Variants in PIK3R2 observed in about 807,000 individuals in gnomAD.
PIK3R2 encodes the protein phosphatidylinositol 3-kinase regulatory subunit beta.
A neutral mutation model predicts 78.5 loss-of-function variants in PIK3R2; 40 were observed. The observed-to-expected ratio is 0.51, with a 90% CI of 0.40 to 0.66. PIK3R2 has a LOEUF of 0.66. Among genes scored for constraint, PIK3R2 ranks in the 30% least tolerant of loss-of-function variants. PIK3R2 has a pLI of 0.00. For missense variants in PIK3R2, 880 were observed against 1,026.6 expected (o/e 0.86, Z 1.95); for synonymous variants, 473 against 457.7 (o/e 1.03, Z -0.43).
rs1186294241 is a variant in PIK3R2 at position 18,168,023 on chromosome 19, G to T, written c.1737-452G>T. Reference sequence around the variant, plus strand: ...CTCCACCTCCCTCTTGGGCCTCAGGGAGGGCACTGTCGCGTGCCAGGTGCT... The same window carrying T: ...CTCCACCTCCCTCTTGGGCCTCAGGTAGGGCACTGTCGCGTGCCAGGTGCT... On this transcript the variant is annotated intron_variant, in intron 13 of 15. Transcript: ENST00000222254. This position sits in a 1 kb window ranked among gnomAD's most constrained non-coding sequence, Gnocchi z 4.1. 6.6e-6 allele frequency among the ~76,000 whole-genome samples: 1 copy of T among 152,192 alleles called. No homozygotes were observed. Among genetic ancestry groups the T allele is most frequent in the African/African-American group, 2.4e-5 (1 of 41,436 alleles).
intron 11 of PIK3R2, among the ~76,000 whole-genome samples, chr19:18,164,127 A>C (rs1419588783): frequency 6.6e-6 from 1 of 152,112 alleles, no homozygotes; most frequent in Non-Finnish European, 1.5e-5. Context: ...ACTCCATCTA[A>C]AAAAATAATA....
Position 18,162,039 on chromosome 19 carries a change from G to T in PIK3R2, c.889G>T (p.Val297Phe). Residue 297 changes from valine to phenylalanine, a missense_variant, in exon 7 of 16, where the codon GTT (valine) becomes TTT (phenylalanine). By Grantham distance (50) the Val-to-Phe change is conservative. Coordinates refer to ENST00000222254, the MANE Select transcript of PIK3R2 (RefSeq NM_005027.4). ...TCAGGAACACTTGGAAGAGCAGGAG[G>T]TTGCGCCCCCAGGTGAGTCCCCTGT... ...LLQEHLEEQE[V>F]APPALPPKPP... 3 of 1,613,868 alleles carry T rather than the reference G, an allele frequency of 1.9e-6. No homozygotes were observed. Among genetic ancestry groups the T allele is most frequent in the Admixed American group, 1.7e-5 (1 of 60,020 alleles).
At chr19:18,166,570 GC>G (rs1331888746) in intron 12 of PIK3R2, among the ~76,000 whole-genome samples, 1 of 152,008 alleles carries the variant, frequency 6.6e-6, no homozygotes, top group Non-Finnish European at 1.5e-5. Flanking sequence ...AATTAGCTAG[GC>G]ATGATGGTGC....
Position 18,161,501 on chromosome 19 carries a change from G to A in PIK3R2, c.815+6G>A, listed in dbSNP as rs1225480513. ...CCAGGGGGCGCTCCCGACGGGTGAG[G>A]GGCGGGGCGGAGCCGGAGCGAGCAG... On this transcript the variant is annotated splice_donor_region_variant and intron_variant, in intron 6 of 15. Transcript: ENST00000222254. This position sits in a 1 kb window ranked among gnomAD's most constrained non-coding sequence, Gnocchi z 5.3. 9 of 1,047,862 alleles carry A rather than the reference G, an allele frequency of 8.6e-6. No homozygotes were observed. The highest frequency in any genetic ancestry group is 1.1e-5 in the Non-Finnish European group (9 of 826,600). 64.9% of individuals were successfully genotyped at this position (1,047,862 alleles called of 1,614,324 possible).
Position 18,161,984 on chromosome 19 carries a change from C to T in PIK3R2, c.834C>T (p.Asp278=), listed in dbSNP as rs1334767715. ...GAPDGSEPSP[D]FPALLVEKLL... is the part of the protein sequence containing the mutation. ...CCCTAAGGAGTGAGCCCAGCCCTGA[C>T]TTCCCGGCGCTGCTGGTGGAGAAGC... is the stretch of plus-strand genomic sequence containing the variant. The change falls in exon 7 of 16, where the codon GAC becomes GAT. Residue 278 remains aspartate, a synonymous_variant. Transcript: ENST00000222254. This position sits in a 1 kb window ranked among gnomAD's most constrained non-coding sequence, Gnocchi z 5.3. The T allele has an allele frequency of 1.9e-6, 3 of 1,613,998 alleles. No homozygotes were observed. Among genetic ancestry groups the T allele is most frequent in the Non-Finnish European group, 2.5e-6 (3 of 1,179,924 alleles).
In PIK3R2 at chr19:18,167,336, C is replaced by T; in HGVS notation, c.1736+30C>T. 1.3e-6 allele frequency: 2 copies of T among 1,517,796 alleles called. No individual in the cohort carries two copies. The highest frequency in any genetic ancestry group is 1.4e-5 in the African/African-American group (1 of 70,894). The allele number at this position is 1,517,796 out of a possible 1,614,324, so 94.0% of individuals were successfully genotyped here. On this transcript the variant is annotated intron_variant, in intron 13 of 15. Coordinates refer to ENST00000222254, the MANE Select transcript of PIK3R2 (RefSeq NM_005027.4). This position sits in a 1 kb window ranked among gnomAD's most constrained non-coding sequence, Gnocchi z 4.5. ...GTGGCGGCTCCATACTTCCCTGCGG[C>T]TCCCTGGCGACTGCTGCGGCACATG...
At chr19:18,162,544 A>G (rs752935519) in intron 9 of PIK3R2, 38 bp downstream of exon 9, 33 of 1,538,490 alleles carry the variant, frequency 2.1e-5, no homozygotes, top group Non-Finnish European at 2.8e-5. Flanking sequence ...CGGGGGTCAC[A>G]GGTCACAGAG....
rs2043824710 is a variant in PIK3R2, at chr19:18,167,804, C to T, written c.1736+498C>T. ...CACTTGAACGGGGAGGTGGAGTTTG[C>T]AGTGAGCAGAGATTATGCCAATGCA... On this transcript the variant is annotated intron_variant, in intron 13 of 15. Coordinates refer to ENST00000222254, the MANE Select transcript of PIK3R2 (RefSeq NM_005027.4). This position sits in a 1 kb window ranked among gnomAD's most constrained non-coding sequence, Gnocchi z 4.5. Among the ~76,000 whole-genome samples, 1 of 152,068 alleles carries T rather than the reference C, an allele frequency of 6.6e-6. No homozygotes were observed. Among genetic ancestry groups the T allele is most frequent in the Admixed American group, 6.6e-5 (1 of 15,250 alleles).
intron 11 of PIK3R2, among the ~76,000 whole-genome samples, chr19:18,164,080 C>T (rs1291920342): frequency 5.3e-5 from 8 of 151,822 alleles, no homozygotes; most frequent in Non-Finnish European, 8.8e-5. Flanking sequence ...GAGCCAAGAT[C>T]GTGCTACTAC....
intron 2 of PIK3R2, among the ~76,000 whole-genome samples, chr19:18,158,873 G>A (rs1203398937): frequency 3.9e-5 from 6 of 152,108 alleles, no homozygotes; most frequent in African/African-American, 9.6e-5. Flanking sequence ...ATGGAGTTTC[G>A]CTCTTGTCGC....
Position 18,161,888 on chromosome 19 carries a change from A to G in PIK3R2, c.816-78A>G. The G allele has an allele frequency of 1.7e-6, 2 of 1,176,908 alleles. No homozygotes were observed. Among genetic ancestry groups the G allele is most frequent in the Non-Finnish European group, 1.3e-6 (1 of 786,214 alleles). The allele number at this position is 1,176,908 out of a possible 1,614,324, so 72.9% of individuals were successfully genotyped here. ...TCTCGTATATACCCCCAGGCGTGCA[A>G]GCGCACGCACAATCCTGTGCACATG... On this transcript the variant is annotated intron_variant, in intron 6 of 15. Coordinates refer to ENST00000222254, the MANE Select transcript of PIK3R2 (RefSeq NM_005027.4). This position sits in a 1 kb window ranked among gnomAD's most constrained non-coding sequence, Gnocchi z 5.3.
At chr19:18,166,374 G>A in intron 12 of PIK3R2, 72 bp downstream of exon 12, 1 of 1,329,234 alleles carries the variant, frequency 7.5e-7, no homozygotes. Context: ...AGGGAAGGAA[G>A]CAGAAGGAGG....
chr19:18,162,618 T>G, intron 9 of PIK3R2, 112 bp downstream of exon 9: 2 of 885,502 alleles, frequency 2.3e-6, no homozygotes, highest in Non-Finnish European at 3.5e-6. Flanking sequence ...GCACGGTGGC[T>G]TACACCTGTA....
chr19:18,157,148 G>A (rs1464908689), intron 2 of PIK3R2, among the ~76,000 whole-genome samples: 2 of 152,224 alleles, frequency 1.3e-5, no homozygotes, highest in African/African-American at 4.8e-5. Context: ...AGGCAAACCA[G>A]AGTCCCCCAG....
At chr19:18,162,649 T>C in intron 9 of PIK3R2, 143 bp downstream of exon 9, 1 of 701,426 alleles carries the variant, frequency 1.4e-6, no homozygotes, top group East Asian at 2.7e-5. Context: ...TTTGGGAGGC[T>C]GAGGCTGGCA....
In PIK3R2 at chr19:18,166,707, C is replaced by CAA. The variant is rs34888009; in HGVS notation, c.1560-406_1560-405dup. ...CTTGGGTGACAGAGAAAGACTGTCT[C>CAA]AAAAAAAAAAAAAAAAAAGAAATGG... On this transcript the variant is annotated intron_variant, in intron 12 of 15. Transcript: ENST00000222254. Among the ~76,000 whole-genome samples the CAA allele has an allele frequency of 4.1e-3, 333 of 81,570 alleles. 1 individual carries two copies. The highest frequency in any genetic ancestry group is 5.5e-3 in the Non-Finnish European group (245 of 44,402). 53.5% of individuals were successfully genotyped at this position (81,570 alleles called of 152,430 possible).
Position 18,169,456 on chromosome 19 carries a change from T to G in PIK3R2, c.*162T>G. The G allele has an allele frequency of 2.8e-6, 1 of 363,484 alleles. No homozygotes were observed. The highest frequency in any genetic ancestry group is 4.9e-6 in the Non-Finnish European group (1 of 203,240). The allele number at this position is 363,484 out of a possible 1,614,324, so 22.5% of individuals were successfully genotyped here. On this transcript the variant is annotated 3_prime_UTR_variant, in exon 16 of 16. Transcript: ENST00000222254. ...CTCACCCTCTTTCTCTTTCCTTCCC[T>G]CCCCCATTCTCCAGATCTCCCTCTG...
chr19:18,154,403 A>G (rs940306571), intron 1 of PIK3R2, among the ~76,000 whole-genome samples: 11 of 151,810 alleles, frequency 7.2e-5, no homozygotes, highest in African/African-American at 2.7e-4. Context: ...CCCCATCTGC[A>G]TTTTGTGCCT....
At position 18,168,734 on chromosome 19, in the gene PIK3R2, C is replaced by T; in HGVS notation, c.1817C>T (p.Ala606Val). Residue 606 changes from alanine (A) to valine (V), a missense_variant, in exon 15 of 16, where the codon GCA (alanine) becomes GTA (valine). This residue lies in a region of PIK3R2 where 268 missense variants were observed against 299.1 expected (regional missense o/e 0.90). Transcript: ENST00000222254. This position sits in a 1 kb window ranked among gnomAD's most constrained non-coding sequence, Gnocchi z 4.1. ...ACCGCCCCCCACCCCAGCCAGTACG[C>T]ACTCATGGAGGACGAGGACGATCTC... is the stretch of plus-strand genomic sequence containing the variant. ...GIKNETEDQY[A>V]LMEDEDDLPH... 6 of 1,613,086 alleles carry T rather than the reference C, an allele frequency of 3.7e-6. No homozygotes were observed. Among genetic ancestry groups the T allele is most frequent in the Non-Finnish European group, 5.1e-6 (6 of 1,179,518 alleles).
Sources: allele counts gnomAD v4.1 joint callset (sites outside exome capture counted in the v4.1 genomes callset), GRCh38; gene constraint gnomAD v4.1.1; regional missense constraint gnomAD v4.1.1; non-coding constraint Gnocchi (gnomAD v3.1); transcripts MANE v1.5; gene names NCBI Gene and HGNC (gene_info 2026-07-23, HGNC 2026-07-21).